Variants in EXOC6B observed in about 807,000 individuals in gnomAD.
The protein encoded by EXOC6B is exocyst complex component 6B.
EXOC6B carries 54 observed loss-of-function variants against 113.5 expected under a neutral mutation model. That is an observed-to-expected ratio of 0.48 (90% CI 0.38 to 0.60). The LOEUF (loss-of-function observed/expected upper bound fraction) is 0.60. EXOC6B is among the 20% of genes least tolerant of loss of function. EXOC6B has a pLI of 0.00. For missense variants in EXOC6B, 797 were observed against 977.5 expected, an observed-to-expected ratio of 0.82 and a Z score of 2.46; for synonymous variants, 357 against 339.0, an observed-to-expected ratio of 1.05 and a Z score of -0.58.
At chr2:72,670,330 A>T (rs1675705879) in intron 6 of EXOC6B, among the ~76,000 whole-genome samples, 1 of 152,150 alleles carries the variant, frequency 6.6e-6, no homozygotes, top group African/African-American at 2.4e-5. Context: ...TATTATTAAT[A>T]GCTATAAGTT....
At position 72,641,817 on chromosome 2, in the gene EXOC6B, G is replaced by A. The variant is rs111775153; in HGVS notation, c.670-66149C>T. Among the ~76,000 whole-genome samples, 118 of 151,740 alleles carry A rather than the reference G, an allele frequency of 7.8e-4. 2 individuals are homozygous for A. The South Asian group carries it at 0.019, about 25-fold the overall frequency. On this transcript the variant is annotated intron_variant, in intron 6 of 21. Transcript: ENST00000272427. ...TGGGAGACACCTCCCAGTAGCGGCC[G>A]ACTGACACCTCATACAGGAGGGTAC...
chr2:72,192,202 G>T (rs1281917264), intron 20 of EXOC6B, among the ~76,000 whole-genome samples: 1 of 152,122 alleles, frequency 6.6e-6, no homozygotes, highest in Non-Finnish European at 1.5e-5. Flanking sequence ...CAACAGCATA[G>T]ACTATCAAAT....
intron 8 of EXOC6B, among the ~76,000 whole-genome samples, chr2:72,532,634 C>G (rs1026434876): frequency 6.6e-6 from 1 of 151,966 alleles, no homozygotes; most frequent in African/African-American, 2.4e-5. Flanking sequence ...ATGGGGAAAC[C>G]CCGTCTCTAC....
chr2:72,494,122 T>G (rs773988405), intron 15 of EXOC6B, among the ~76,000 whole-genome samples: 8 of 152,154 alleles, frequency 5.3e-5, no homozygotes, highest in African/African-American at 1.2e-4. Context: ...AAGGAAGTTT[T>G]CAGGCAAAAA....
intron 5 of EXOC6B, among the ~76,000 whole-genome samples, chr2:72,729,405 A>G (rs1180375715): frequency 3.4e-5 from 5 of 148,906 alleles, no homozygotes; most frequent in Admixed American, 1.3e-4. Context: ...AAGTTGGTAC[A>G]CAGGTGATTT....
At chr2:72,373,792 G>A (rs1022164541) in intron 19 of EXOC6B, among the ~76,000 whole-genome samples, 11 of 152,186 alleles carry the variant, frequency 7.2e-5, no homozygotes, top group African/African-American at 2.7e-4. Flanking sequence ...TGGAGAAAAG[G>A]AAACCTTCAT....
At chr2:72,723,282 G>A (rs993795871) in intron 5 of EXOC6B, among the ~76,000 whole-genome samples, 26 of 152,126 alleles carry the variant, frequency 1.7e-4, no homozygotes, top group African/African-American at 6.3e-4. Context: ...CCTTAACAGA[G>A]ATGCAATCAG....
intron 6 of EXOC6B, among the ~76,000 whole-genome samples, chr2:72,687,344 C>G (rs748042125): frequency 6.6e-6 from 1 of 152,090 alleles, no homozygotes; most frequent in Non-Finnish European, 1.5e-5. Context: ...GCTGCACAGC[C>G]GTATTTTATT....
chr2:72,366,723 T>C (rs1169779713), intron 19 of EXOC6B, among the ~76,000 whole-genome samples: 1 of 151,562 alleles, frequency 6.6e-6, no homozygotes, highest in Non-Finnish European at 1.5e-5. Flanking sequence ...GGAACAAAGA[T>C]AACAAAAAGC....
intron 6 of EXOC6B, among the ~76,000 whole-genome samples, chr2:72,688,527 A>G (rs1168304157): frequency 6.6e-6 from 1 of 151,592 alleles, no homozygotes; most frequent in East Asian, 1.9e-4. Context: ...GCTGAGGACT[A>G]CTGGGGCAGG....
chr2:72,575,399 A>G, intron 7 of EXOC6B, 93 bp downstream of exon 7: 1 of 1,177,052 alleles, frequency 8.5e-7, no homozygotes, highest in Non-Finnish European at 1.1e-6. Context: ...AGATCACACA[A>G]ACTACATTAT....
chr2:72,621,959 A>T (rs1460140481), intron 6 of EXOC6B, among the ~76,000 whole-genome samples: 2 of 152,116 alleles, frequency 1.3e-5, no homozygotes, highest in African/African-American at 4.8e-5. Context: ...GTCAATTAAA[A>T]CTAAATTTTT....
At chr2:72,560,180 C>T (rs760740200) in intron 7 of EXOC6B, among the ~76,000 whole-genome samples, 5 of 151,540 alleles carry the variant, frequency 3.3e-5, no homozygotes, top group Admixed American at 6.6e-5. Context: ...AAAAAAACAT[C>T]AGGTAAGAAC....
chr2:72,413,400 G>A (rs1694310234), intron 18 of EXOC6B, among the ~76,000 whole-genome samples: 1 of 151,088 alleles, frequency 6.6e-6, no homozygotes, highest in Admixed American at 6.6e-5. Flanking sequence ...TTTAAGAGAT[G>A]GGGTCGGCCA....
At chr2:72,405,932 A>T (rs980307996) in intron 18 of EXOC6B, among the ~76,000 whole-genome samples, 1 of 152,222 alleles carries the variant, frequency 6.6e-6, no homozygotes, top group Admixed American at 6.5e-5. Context: ...GTCAAGACCC[A>T]TCAGTGTGCT....
intron 1 of EXOC6B, among the ~76,000 whole-genome samples, chr2:72,767,507 C>A (rs1683133201): frequency 6.6e-6 from 1 of 151,628 alleles, no homozygotes; most frequent in Non-Finnish European, 1.5e-5. Flanking sequence ...TTGACATTAG[C>A]CACATTAACA....
chr2:72,446,567 T>C (rs752566906), intron 18 of EXOC6B, among the ~76,000 whole-genome samples: 11 of 151,906 alleles, frequency 7.2e-5, no homozygotes, highest in Non-Finnish European at 1.3e-4. Flanking sequence ...GGGAGATAAA[T>C]GACAAGAACT....
intron 1 of EXOC6B, among the ~76,000 whole-genome samples, chr2:72,760,121 T>A (rs995758891): frequency 6.6e-6 from 1 of 152,186 alleles, no homozygotes; most frequent in Non-Finnish European, 1.5e-5. Context: ...ATAAACAAAA[T>A]ATTTTGTTTA....
chr2:72,324,489 T>G (rs1484371640), intron 20 of EXOC6B, among the ~76,000 whole-genome samples: 2 of 152,200 alleles, frequency 1.3e-5, no homozygotes, highest in Non-Finnish European at 2.9e-5. Flanking sequence ...AGTAGGCCAC[T>G]ACAGTACAGT....
Sources: gnomAD v4.1 joint callset for allele counts (sites outside exome capture counted in the v4.1 genomes callset) on GRCh38, gnomAD v4.1.1 for gene constraint, MANE v1.5 for transcripts, NCBI Gene and HGNC (gene_info 2026-07-23, HGNC 2026-07-21) for gene names.